Variants in ACCSL observed in about 807,000 individuals in gnomAD.
ACCSL encodes 1-aminocyclopropane-1-carboxylate synthase homolog (inactive) like.
ACCSL carries 55 observed loss-of-function variants against 61.7 expected under a neutral mutation model. The observed-to-expected ratio is 0.89, with a 90% confidence interval of 0.72 to 1.12. The LOEUF (loss-of-function observed/expected upper bound fraction) is 1.12, where lower values mean the gene tolerates loss of function less well. Ranked by LOEUF, ACCSL falls within the 50% of genes most tolerant of loss-of-function variation. The pLI is 0.00. For synonymous variants in ACCSL, 258 were observed against 264.3 expected (o/e 0.98, Z 0.23); for missense variants, 632 against 698.0 (o/e 0.91, Z 1.07).
At chr11:44,050,463 A>G (rs1952629628) in intron 2 of ACCSL, 89 bp from the exon 3 acceptor site, 1 of 1,139,542 alleles carries the variant, frequency 8.8e-7, no homozygotes, top group African/African-American at 1.5e-5. Context: ...ATGTATGTGG[A>G]GGGCAAACAC....
the ACCSL span, chr11:43,933,345 A>AG: frequency 5.8e-6 from 2 of 346,104 alleles, no homozygotes; most frequent in East Asian, 7.4e-5. Context: ...CAGCCCTCCC[A>AG]GGGGGCAGCC....
At chr11:43,990,314 T>A in the ACCSL span, among the ~76,000 whole-genome samples, 1 of 152,252 alleles carries the variant, frequency 6.6e-6, no homozygotes, top group Non-Finnish European at 1.5e-5. Context: ...TAGTAATTTA[T>A]GTCTCATTGT....
At chr11:43,929,940 T>C in the ACCSL span, among the ~76,000 whole-genome samples, 27 of 152,220 alleles carry the variant, frequency 1.8e-4, no homozygotes, top group Non-Finnish European at 3.5e-4. Context: ...GGACCCAGCC[T>C]GACCAAGAGA....
rs760380377 is a variant in ACCSL at position 44,051,336 on chromosome 11, C to T, written c.637C>T (p.Leu213=). Residue 213 remains leucine (L), a splice_region_variant and synonymous_variant, in exon 4 of 14, where the codon CTG becomes TTG. Transcript: ENST00000378832. ...AGGTCTCTCTGGGTCTGTTTACAGC[C>T]TGCGGGAAGAAGTGGCCCGGTTCCT... ...QYPDWRGQPF[L]REEVARFLTY... The T allele has an allele frequency of 1.9e-5, 30 of 1,614,194 alleles. No individual in the cohort carries two copies. The South Asian group carries it at 3.0e-4, about 16-fold the overall frequency.
chr11:44,025,720 A>G, the ACCSL span, among the ~76,000 whole-genome samples: 1 of 151,770 alleles, frequency 6.6e-6, no homozygotes, highest in Non-Finnish European at 1.5e-5. Context: ...TATTTCTTAT[A>G]GGATTGGTCT....
chr11:43,934,892 G>A, the ACCSL span, among the ~76,000 whole-genome samples: 3 of 152,190 alleles, frequency 2.0e-5, no homozygotes, highest in South Asian at 2.1e-4. Flanking sequence ...TGAAGAACTG[G>A]TGGTTGCTTT....
chr11:44,037,863 C>CCATCCGTG, the ACCSL span, among the ~76,000 whole-genome samples: 30,458 of 145,488 alleles, frequency 0.21, 3,219 homozygotes, highest in Non-Finnish European at 0.23. Flanking sequence ...TGGTATTCAT[C>CCATCCGTG]CATCCATGCA....
chr11:43,944,229 G>T, the ACCSL span: 1 of 172,282 alleles, frequency 5.8e-6, no homozygotes, highest in Admixed American at 5.5e-5. Context: ...CAGGGTCCTC[G>T]CCCCGCACCC....
chr11:43,969,150 C>G, the ACCSL span, among the ~76,000 whole-genome samples: 9,875 of 152,032 alleles, frequency 0.065, 660 homozygotes, highest in Admixed American at 0.19. Flanking sequence ...GAAGTTCGAG[C>G]CCAGCCTGGG....
the ACCSL span, among the ~76,000 whole-genome samples, chr11:44,000,544 G>C: frequency 0.27 from 32,289 of 118,214 alleles, 4,136 homozygotes; most frequent in East Asian, 0.37. Context: ...AAAAAGAAAA[G>C]AAAACAAAAT....
rs79306560 is a variant in ACCSL at position 44,055,320 on chromosome 11, C to T, written c.1139+29C>T. The T allele has an allele frequency of 1.0e-3, 1,620 of 1,574,818 alleles. 21 individuals carry two copies. In the African/African-American group the frequency reaches 0.02, roughly 19 times the overall value. Reference sequence around the variant, plus strand: ...AGCTGGTCTCAGCTGGAGTTGGGAACGAGAACCACAAGGTTCTTGTTTTGC... The same window carrying T: ...AGCTGGTCTCAGCTGGAGTTGGGAATGAGAACCACAAGGTTCTTGTTTTGC... On this transcript the variant is annotated intron_variant, in intron 9 of 13. Transcript: ENST00000378832.
At chr11:43,936,309 G>A in the ACCSL span, among the ~76,000 whole-genome samples, 44,601 of 152,132 alleles carry the variant, frequency 0.29, 6,715 homozygotes, top group East Asian at 0.39. Flanking sequence ...AATGCCCTCT[G>A]AAGCAGGAAT....
intron 1 of ACCSL, among the ~76,000 whole-genome samples, chr11:44,049,340 A>G (rs1214834386): frequency 7.4e-6 from 1 of 136,024 alleles, no homozygotes; most frequent in Admixed American, 8.5e-5. Context: ...GGATCACTTG[A>G]CCCCGGCAGC....
chr11:43,969,250 A>G, the ACCSL span, among the ~76,000 whole-genome samples: 2 of 152,134 alleles, frequency 1.3e-5, no homozygotes, highest in Admixed American at 6.5e-5. Flanking sequence ...AGTCTCAGCT[A>G]CTCGGGAAGC....
the ACCSL span, among the ~76,000 whole-genome samples, chr11:43,997,233 A>T: frequency 6.6e-6 from 1 of 151,978 alleles, no homozygotes; most frequent in South Asian, 2.1e-4. Flanking sequence ...TGTAGCAGGT[A>T]TTTTATGCTA....
the ACCSL span, among the ~76,000 whole-genome samples, chr11:44,019,533 C>T: frequency 1.3e-5 from 2 of 152,218 alleles, no homozygotes; most frequent in East Asian, 1.9e-4. Flanking sequence ...CTTGTTGGCA[C>T]ATTTGTATAT....
chr11:44,057,763 CAA>C (rs35201636), intron 11 of ACCSL, among the ~76,000 whole-genome samples: 25,459 of 152,198 alleles, frequency 0.17, 2,234 homozygotes, highest in East Asian at 0.33. Context: ...GCTGTGAACT[CAA>C]AGAGAACTTT....
upstream of ACCSL, among the ~76,000 whole-genome samples, chr11:44,046,663 T>G (rs143926629): frequency 6.6e-6 from 1 of 152,238 alleles, no homozygotes; most frequent in African/African-American, 2.4e-5. Flanking sequence ...AGGTTTTTTT[T>G]TGTGTTTGTG....
chr11:43,948,264 G>T, the ACCSL span, among the ~76,000 whole-genome samples: 2 of 152,158 alleles, frequency 1.3e-5, no homozygotes, highest in Non-Finnish European at 2.9e-5. Flanking sequence ...AAGCACATTT[G>T]GGGTAGGCCT....
Sources: gnomAD v4.1 joint callset for allele counts (sites outside exome capture counted in the v4.1 genomes callset) on GRCh38, gnomAD v4.1.1 for gene constraint, MANE v1.5 for transcripts, NCBI Gene and HGNC (gene_info 2026-07-23, HGNC 2026-07-21) for gene names.